Variants in FOXP2 observed in about 807,000 individuals in gnomAD.
The protein encoded by FOXP2 is forkhead box P2, also known as forkhead box protein P2.
A neutral mutation model predicts 115.8 loss-of-function variants in FOXP2; 12 were observed. The observed-to-expected ratio is 0.10, with a 90% CI of 0.07 to 0.17. The LOEUF is 0.17. FOXP2 is among the 10% of genes least tolerant of loss of function. The pLI is 1.00. For missense variants in FOXP2, 629 were observed against 843.5 expected (o/e 0.75, Z 3.15); for synonymous variants, 328 against 297.7 (o/e 1.10, Z -1.05).
intron 8 of FOXP2, among the ~76,000 whole-genome samples, chr7:114,649,397 C>A (rs1442781955): frequency 2.0e-5 from 3 of 152,030 alleles, no homozygotes; most frequent in Non-Finnish European, 4.4e-5. Flanking sequence ...AATGAAATGT[C>A]CCTTTGCATA....
chr7:114,441,101 C>T (rs1171005408), intron 2 of FOXP2, among the ~76,000 whole-genome samples: 1 of 151,974 alleles, frequency 6.6e-6, no homozygotes, highest in Non-Finnish European at 1.5e-5. Context: ...TCCATGTGTA[C>T]ATAAGTAATA....
chr7:114,287,830 C>A (rs990956414), intron 1 of FOXP2, among the ~76,000 whole-genome samples: 30 of 151,808 alleles, frequency 2.0e-4, no homozygotes, highest in African/African-American at 7.3e-4. Context: ...TGAAAGTTCT[C>A]TAAATTAAAA....
intron 1 of FOXP2, among the ~76,000 whole-genome samples, chr7:114,220,027 C>T (rs1322702243): frequency 6.9e-6 from 1 of 145,646 alleles, no homozygotes; most frequent in East Asian, 2.0e-4. Flanking sequence ...CCACCATGCT[C>T]AGCTAATTTT....
intron 2 of FOXP2, among the ~76,000 whole-genome samples, chr7:114,482,582 C>T (rs781359976): frequency 2.9e-4 from 44 of 151,646 alleles, no homozygotes; most frequent in Non-Finnish European, 3.8e-4. Flanking sequence ...CTTTCCCTTT[C>T]ATTTCCATCT....
chr7:114,440,281 T>G (rs2014265), intron 2 of FOXP2, among the ~76,000 whole-genome samples: 69,084 of 151,966 alleles, frequency 0.45, 15,973 homozygotes, highest in Admixed American at 0.51. Context: ...GCAAAGTTCA[T>G]AGTTACTTAA....
chr7:114,328,060 A>G (rs1411747019), intron 2 of FOXP2, among the ~76,000 whole-genome samples: 2 of 151,204 alleles, frequency 1.3e-5, no homozygotes, highest in African/African-American at 2.4e-5. Flanking sequence ...AGCTGAGCCT[A>G]AAGGTGCATA....
chr7:114,269,209 G>C (rs1156306116), intron 1 of FOXP2, among the ~76,000 whole-genome samples: 1 of 152,002 alleles, frequency 6.6e-6, no homozygotes, highest in Non-Finnish European at 1.5e-5. Flanking sequence ...GCCAATATAT[G>C]GTTGAATATA....
intron 2 of FOXP2, among the ~76,000 whole-genome samples, chr7:114,441,781 G>A (rs1794617893): frequency 6.6e-6 from 1 of 152,030 alleles, no homozygotes; most frequent in South Asian, 2.1e-4. Context: ...TAGTCATTAG[G>A]GACATGTAAA....
chr7:114,452,768 G>A (rs1478612353), intron 2 of FOXP2, among the ~76,000 whole-genome samples: 2 of 152,040 alleles, frequency 1.3e-5, no homozygotes, highest in Non-Finnish European at 2.9e-5. Context: ...TACTGAATAT[G>A]GGGAGCTTTT....
intron 2 of FOXP2, among the ~76,000 whole-genome samples, chr7:114,521,378 C>T (rs1196109029): frequency 6.6e-6 from 1 of 151,524 alleles, no homozygotes; most frequent in Non-Finnish European, 1.5e-5. Flanking sequence ...CAAAAACAAA[C>T]AAACAAAACA....
At chr7:114,581,572 A>G (rs1382010793) in intron 3 of FOXP2, among the ~76,000 whole-genome samples, 2 of 152,178 alleles carry the variant, frequency 1.3e-5, no homozygotes, top group Non-Finnish European at 2.9e-5. Flanking sequence ...CATCCCAACC[A>G]GAGTGGTATA....
At chr7:114,607,629 A>G (rs977023236) in intron 3 of FOXP2, among the ~76,000 whole-genome samples, 6 of 152,198 alleles carry the variant, frequency 3.9e-5, no homozygotes, top group Non-Finnish European at 2.9e-5. Flanking sequence ...AGAAATTTGT[A>G]TTCTCCCACA....
intron 3 of FOXP2, among the ~76,000 whole-genome samples, chr7:114,575,083 G>C (rs926156118): frequency 1.3e-5 from 2 of 151,680 alleles, no homozygotes; most frequent in Non-Finnish European, 3.0e-5. Flanking sequence ...CTCTCTTGAG[G>C]CTTTACATAA....
At chr7:114,593,693 T>C (rs1282929898) in intron 3 of FOXP2, among the ~76,000 whole-genome samples, 2 of 152,044 alleles carry the variant, frequency 1.3e-5, no homozygotes, top group Admixed American at 1.3e-4. Context: ...GCAGAGTGTC[T>C]GGTTTTCTAT....
intron 16 of FOXP2, among the ~76,000 whole-genome samples, chr7:114,686,075 A>T (rs1808346729): frequency 6.6e-6 from 1 of 152,146 alleles, no homozygotes; most frequent in Non-Finnish European, 1.5e-5. Flanking sequence ...GCCCCATCTA[A>T]ATATACTTTC....
In FOXP2 at chr7:114,692,132, T is replaced by C. The variant is rs1457663032; in HGVS notation, c.*2206T>C. On this transcript the variant is annotated 3_prime_UTR_variant, in exon 17 of 17. Coordinates refer to ENST00000350908, the MANE Select transcript of FOXP2 (RefSeq NM_014491.4). ...GGTTTTCAGTCATCTAGGATCCTACTGTAAGGATTATCTGAAAGGAAAAAT... is the reference window on the plus strand; with the variant it reads ...GGTTTTCAGTCATCTAGGATCCTACCGTAAGGATTATCTGAAAGGAAAAAT... The C allele has an allele frequency of 2.2e-6, 1 of 453,888 alleles. No homozygotes were observed. Among genetic ancestry groups the C allele is most frequent in the South Asian group, 1.6e-5 (1 of 64,456 alleles). 28.1% of individuals were successfully genotyped at this position (453,888 alleles called of 1,614,324 possible).
chr7:114,576,241 A>G (rs958475506), intron 3 of FOXP2, among the ~76,000 whole-genome samples: 2 of 152,046 alleles, frequency 1.3e-5, no homozygotes, highest in South Asian at 4.1e-4. Flanking sequence ...TGACATTTGT[A>G]TGCAATTTCT....
At chr7:114,422,982 C>G (rs1793683276) in intron 1 of FOXP2, among the ~76,000 whole-genome samples, 1 of 151,632 alleles carries the variant, frequency 6.6e-6, no homozygotes, top group African/African-American at 2.4e-5. Context: ...AAAATAAACA[C>G]AAAAGCACTG....
chr7:114,143,183 T>TAATAAA (rs1191695555), intron 1 of FOXP2, among the ~76,000 whole-genome samples: 1 of 149,564 alleles, frequency 6.7e-6, no homozygotes, highest in East Asian at 2.0e-4. Flanking sequence ...ATAATAATAA[T>TAATAAA]AATAGCCTAC....
Sources: allele counts gnomAD v4.1 joint callset (sites outside exome capture counted in the v4.1 genomes callset), GRCh38; gene constraint gnomAD v4.1.1; transcripts MANE v1.5; gene names NCBI Gene and HGNC (gene_info 2026-07-23, HGNC 2026-07-21).